DPPA2: variants seen among roughly 807,000 people sequenced by gnomAD.
The protein encoded by DPPA2 is developmental pluripotency-associated protein 2.
Under a neutral mutation model 36.2 loss-of-function variants are expected in DPPA2, and 26 were observed. The ratio of observed to expected loss-of-function variants is 0.72; its 90% CI spans 0.53 to 1.00. The LOEUF is 1.00. Ranked by LOEUF, DPPA2 falls within the 50% of genes least tolerant of loss-of-function variation. DPPA2 has a pLI of 0.00. For synonymous variants in DPPA2, 113 were observed against 123.2 expected (o/e 0.92, Z 0.55); for missense variants, 361 against 365.1 (o/e 0.99, Z 0.09).
At chr3:109,302,836 A>C (rs559015833) in intron 7 of DPPA2, among the ~76,000 whole-genome samples, 1 of 152,054 alleles carries the variant, frequency 6.6e-6, no homozygotes, top group Middle Eastern at 3.5e-3. Context: ...CAAAAGCTGA[A>C]ATTTTTACTC....
intron 7 of DPPA2, among the ~76,000 whole-genome samples, chr3:109,303,929 G>A (rs1244154715): frequency 1.3e-5 from 2 of 151,806 alleles, no homozygotes; most frequent in Non-Finnish European, 2.9e-5. Context: ...CTGAGGTCAG[G>A]AGCTTGAGAC....
intron 3 of DPPA2, among the ~76,000 whole-genome samples, chr3:109,312,310 G>T (rs1213124581): frequency 6.6e-6 from 1 of 152,100 alleles, no homozygotes; most frequent in Non-Finnish European, 1.5e-5. Context: ...CTCCAACCTG[G>T]GTGACACGGT....
intron 3 of DPPA2, among the ~76,000 whole-genome samples, chr3:109,311,542 C>A (rs1466539136): frequency 1.3e-5 from 2 of 152,068 alleles, no homozygotes; most frequent in Non-Finnish European, 2.9e-5. Flanking sequence ...AAGTTTGAGA[C>A]CAGCCTGGAC....
intron 3 of DPPA2, among the ~76,000 whole-genome samples, chr3:109,310,962 T>C (rs893057810): frequency 2.6e-5 from 4 of 151,974 alleles, no homozygotes; most frequent in Non-Finnish European, 5.9e-5. Flanking sequence ...CCACCATGCC[T>C]GGATAATGTT....
At chr3:109,314,143 A>G (rs925192354) in intron 2 of DPPA2, among the ~76,000 whole-genome samples, 6 of 152,124 alleles carry the variant, frequency 3.9e-5, no homozygotes, top group Admixed American at 6.6e-5. Flanking sequence ...TTAAAAAAAA[A>G]CTTATTTTTA....
rs1164312181 is a variant in DPPA2, at chr3:109,316,430, C to A, written c.-160G>T. 1.3e-5 allele frequency: 2 copies of A among 152,612 alleles called. No individual in the cohort carries two copies. The highest frequency in any genetic ancestry group is 2.9e-5 in the Non-Finnish European group (2 of 68,466). 9.5% of individuals were successfully genotyped at this position (152,612 alleles called of 1,614,324 possible). A position where few individuals can be genotyped will look rare whatever the true frequency, so the allele number is the denominator to read the frequency against. On this transcript the variant is annotated 5_prime_UTR_variant, in exon 1 of 9. Coordinates refer to ENST00000478945, the MANE Select transcript of DPPA2 (RefSeq NM_138815.4). Reference sequence around the variant, plus strand: ...CCTTCGGAGTGGGTGGGACTACAGGCCTGCACCGCCACGCCCAGCCCTCCG... The same window carrying A: ...CCTTCGGAGTGGGTGGGACTACAGGACTGCACCGCCACGCCCAGCCCTCCG...
intron 7 of DPPA2, among the ~76,000 whole-genome samples, chr3:109,303,231 C>G (rs754224189): frequency 6.6e-6 from 1 of 152,096 alleles, no homozygotes; most frequent in Non-Finnish European, 1.5e-5. Context: ...AACTGGCCAT[C>G]ATATTTTTTA....
At chr3:109,300,954 T>C (rs1045017353) in intron 7 of DPPA2, among the ~76,000 whole-genome samples, 2 of 151,756 alleles carry the variant, frequency 1.3e-5, no homozygotes, top group African/African-American at 4.8e-5. Flanking sequence ...TCTCAGGGCT[T>C]ACATTCCACA....
At chr3:109,306,455 T>C (rs1472235580) in intron 6 of DPPA2, among the ~76,000 whole-genome samples, 1 of 152,160 alleles carries the variant, frequency 6.6e-6, no homozygotes, top group African/African-American at 2.4e-5. Context: ...TCCTTCTGGC[T>C]GGTTTCCTTG....
intron 8 of DPPA2, among the ~76,000 whole-genome samples, chr3:109,296,938 A>C (rs1707362488): frequency 6.6e-6 from 1 of 151,934 alleles, no homozygotes; most frequent in Non-Finnish European, 1.5e-5. Flanking sequence ...AAAAATAGAA[A>C]AATTAGCCAG....
At chr3:109,298,659 T>C (rs1707399295) in intron 8 of DPPA2, among the ~76,000 whole-genome samples, 1 of 150,140 alleles carries the variant, frequency 6.7e-6, no homozygotes, top group Admixed American at 6.7e-5. Context: ...GAGGTTCCAG[T>C]GAGCTGAGAT....
At chr3:109,308,551 G>C (rs1366335404) in intron 5 of DPPA2, among the ~76,000 whole-genome samples, 1 of 152,056 alleles carries the variant, frequency 6.6e-6, no homozygotes, top group Non-Finnish European at 1.5e-5. Flanking sequence ...TAGTAAAGAC[G>C]GGGTTTCTCC....
intron 6 of DPPA2, 102 bp from the exon 7 acceptor site, chr3:109,304,772 A>G (rs1707519615): frequency 2.6e-6 from 3 of 1,155,768 alleles, no homozygotes; most frequent in Non-Finnish European, 3.6e-6. Flanking sequence ...TCTGCTCACA[A>G]ATCAATTGAA....
At position 109,304,594 on chromosome 3, in the gene DPPA2, T is replaced by C. The variant is rs1707516042; in HGVS notation, c.735A>G (p.Ala245=). Residue 245 remains alanine, a synonymous_variant, in exon 7 of 9, where the codon GCA becomes GCG. Coordinates refer to ENST00000478945, the MANE Select transcript of DPPA2 (RefSeq NM_138815.4). ...TKGWVRLQFH[A]GQAWVPTTHR... ...GAGTGGTAGGCACCCAGGCCTGACC[T>C]GCATGAAACTGCAGGCGTACCCAAC... The C allele has an allele frequency of 6.2e-7, 1 of 1,613,940 alleles. No individual in the cohort carries two copies. Among genetic ancestry groups the C allele is most frequent in the Admixed American group, 1.7e-5 (1 of 59,960 alleles).
chr3:109,302,916 C>T (rs1043863800), intron 7 of DPPA2, among the ~76,000 whole-genome samples: 1 of 152,048 alleles, frequency 6.6e-6, no homozygotes, highest in Non-Finnish European at 1.5e-5. Flanking sequence ...CTGGAGAGCA[C>T]ATAGTTATCA....
intron 6 of DPPA2, among the ~76,000 whole-genome samples, chr3:109,306,867 G>A (rs1327238229): frequency 6.6e-6 from 1 of 151,846 alleles, no homozygotes; most frequent in South Asian, 2.1e-4. Flanking sequence ...CAGCTACTCG[G>A]GAGGCTGAGG....
Position 109,309,310 on chromosome 3 carries a change from C to G in DPPA2, c.202G>C (p.Glu68Gln). The change falls in exon 4 of 9, where the codon GAG (glutamate) becomes CAG (glutamine). Residue 68 changes from glutamate (E) to glutamine (Q), a missense_variant. Transcript: ENST00000478945. ...GCTTTTTGTGGAGCTGTAAATTGCT[C>G]ATTTGTTTGAAGTAGATGACCTAAG... is the stretch of plus-strand genomic sequence containing the variant. The part of the protein sequence containing the change: ...YNPGHLLQTN[E>Q]QFTAPQKARC... The G allele has an allele frequency of 1.2e-6, 2 of 1,614,030 alleles. No homozygotes were observed. Among genetic ancestry groups the G allele is most frequent in the Non-Finnish European group, 1.7e-6 (2 of 1,179,950 alleles).
chr3:109,303,372 CTTT>C (rs1198518930), intron 7 of DPPA2, among the ~76,000 whole-genome samples: 1 of 142,490 alleles, frequency 7.0e-6, no homozygotes. Flanking sequence ...TTTTCTTACT[CTTT>C]TTTTTTTTTT....
intron 1 of DPPA2, 39 bp from the exon 2 acceptor site, chr3:109,314,594 G>T: frequency 6.4e-7 from 1 of 1,563,004 alleles, no homozygotes; most frequent in Admixed American, 1.7e-5. Context: ...GGATATGGTA[G>T]TTTACTTCTC....
Sources: gnomAD v4.1 joint callset for allele counts (sites outside exome capture counted in the v4.1 genomes callset) on GRCh38, gnomAD v4.1.1 for gene constraint, MANE v1.5 for transcripts, NCBI Gene and HGNC (gene_info 2026-07-23, HGNC 2026-07-21) for gene names.